The following GFPT2 variants were observed in gnomAD, a reference collection of about 807,000 sequenced individuals.
The protein encoded by GFPT2 is glutamine--fructose-6-phosphate transaminase 2.
GFPT2 carries 62 observed loss-of-function variants against 85.6 expected under a neutral mutation model. The ratio of observed to expected loss-of-function variants is 0.72; its 90% CI spans 0.59 to 0.90. The LOEUF (loss-of-function observed/expected upper bound fraction) is 0.90, where lower values mean the gene tolerates loss of function less well. GFPT2 is among the 40% of genes least tolerant of loss of function. GFPT2 has a pLI of 0.00. For missense variants in GFPT2, 788 were observed against 893.4 expected (o/e 0.88, Z 1.50); for synonymous variants, 368 against 344.5 (o/e 1.07, Z -0.75).
At chr5:180,351,197 C>T (rs1764704722) in intron 1 of GFPT2, among the ~76,000 whole-genome samples, 2 of 152,132 alleles carry the variant, frequency 1.3e-5, no homozygotes, top group South Asian at 4.1e-4. Context: ...AGACCATCAT[C>T]CCCCCCAAAC....
chr5:180,346,107 C>G (rs971257568), intron 1 of GFPT2, among the ~76,000 whole-genome samples: 1 of 152,134 alleles, frequency 6.6e-6, no homozygotes, highest in Non-Finnish European at 1.5e-5. Flanking sequence ...AGTGGCTCCC[C>G]GCATGCCAAC....
intron 16 of GFPT2, among the ~76,000 whole-genome samples, chr5:180,306,083 C>T (rs1056410294): frequency 6.6e-6 from 1 of 150,688 alleles, no homozygotes; most frequent in African/African-American, 2.4e-5. Flanking sequence ...CTCTTGGATT[C>T]AAGCGATTCT....
chr5:180,335,892 G>T lies in GFPT2; in HGVS notation c.276C>A (p.Arg92=). The T allele has an allele frequency of 1.3e-6, 2 of 1,581,934 alleles. No homozygotes were observed. The highest frequency in any genetic ancestry group is 8.6e-7 in the Non-Finnish European group (1 of 1,169,200). Residue 92 remains arginine (R), a synonymous_variant, in exon 4 of 19, where the codon CGC becomes CGA. Transcript: ENST00000253778. ...FETHFGIAHT[R]WATHGVPSAV... ...CACTGGGGACCCCGTGGGTGGCCCA[G>T]CGCGTGTGGGCAATGCCGAAGTGTG...
At chr5:180,347,474 GGA>G (rs1030975843) in intron 1 of GFPT2, among the ~76,000 whole-genome samples, 2 of 152,204 alleles carry the variant, frequency 1.3e-5, no homozygotes, top group African/African-American at 4.8e-5. Flanking sequence ...GGTCCCAGAA[GGA>G]GAGGGACCGA....
At chr5:180,314,072 ACAG>A (rs1477684298) in intron 13 of GFPT2, 108 bp from the exon 14 acceptor site, 15 of 1,122,628 alleles carry the variant, frequency 1.3e-5, no homozygotes, top group South Asian at 1.3e-4. Flanking sequence ...CGCCCGAGAC[ACAG>A]CCAGCGGGTG....
intron 1 of GFPT2, chr5:180,352,571 G>A (rs1261399300): frequency 2.2e-6 from 1 of 449,154 alleles, no homozygotes; most frequent in Non-Finnish European, 4.4e-6. Context: ...TCGTGGCTTC[G>A]GGCCGAGGTT....
rs750833661 is a variant in GFPT2 at position 180,316,732 on chromosome 5, T to G, written c.1152+32A>C. 3 of 1,491,814 alleles carry G rather than the reference T, an allele frequency of 2.0e-6. No homozygotes were observed. The East Asian group carries it at 6.8e-5, about 34-fold the overall frequency. The allele number at this position is 1,491,814 out of a possible 1,614,324, so 92.4% of individuals were successfully genotyped here. A position where few individuals can be genotyped will look rare whatever the true frequency, so the allele number is the denominator to read the frequency against. ...GCCAGTGTCTGGTCCTAGACTGCCGTCGACTTCCCCACGCACATGTGTCAC... is the reference window on the plus strand; with the variant it reads ...GCCAGTGTCTGGTCCTAGACTGCCGGCGACTTCCCCACGCACATGTGTCAC... On this transcript the variant is annotated intron_variant, in intron 12 of 18. Coordinates refer to ENST00000253778, the MANE Select transcript of GFPT2 (RefSeq NM_005110.4).
rs1328736281 is a variant in GFPT2 at position 180,317,336 on chromosome 5, C to T, written c.959-278G>A. 2.7e-4 allele frequency among the ~76,000 whole-genome samples: 41 copies of T among 152,190 alleles called. 1 individual carries two copies. The highest frequency in any genetic ancestry group is 4.4e-5 in the Non-Finnish European group (3 of 68,030). On this transcript the variant is annotated intron_variant, in intron 10 of 18. Coordinates refer to ENST00000253778, the MANE Select transcript of GFPT2 (RefSeq NM_005110.4). ...GGCTGATCCCTCTGGGCCATGCTCCCTTAGCAAGGCCAAAAGAAAGTAAAG... is the reference window on the plus strand; with the variant it reads ...GGCTGATCCCTCTGGGCCATGCTCCTTTAGCAAGGCCAAAAGAAAGTAAAG...
At chr5:180,303,106 T>G (rs1233347580) in intron 17 of GFPT2, among the ~76,000 whole-genome samples, 3 of 144,916 alleles carry the variant, frequency 2.1e-5, no homozygotes, top group African/African-American at 7.4e-5. Flanking sequence ...GGCGGGGGCC[T>G]GTAGTCCCAG....
In GFPT2 at chr5:180,353,168, C is replaced by T. The variant is rs533463993; in HGVS notation, c.7+43G>A. 3.3e-6 allele frequency: 4 copies of T among 1,230,058 alleles called. No homozygotes were observed. The African/African-American group carries it at 6.2e-5, about 19-fold the overall frequency. The allele number at this position is 1,230,058 out of a possible 1,614,324, so 76.2% of individuals were successfully genotyped here. On this transcript the variant is annotated intron_variant, in intron 1 of 18. Transcript: ENST00000253778. ...GGAGAGGCTGCGGCGCCGGGACCCG[C>T]GGACGGCGTGGAGGAGGCGGCTCGG... is the stretch of plus-strand genomic sequence containing the variant.
intron 1 of GFPT2, among the ~76,000 whole-genome samples, chr5:180,346,527 G>T (rs1357257623): frequency 6.6e-6 from 1 of 152,124 alleles, no homozygotes; most frequent in East Asian, 1.9e-4. Flanking sequence ...TCCCTCTCTC[G>T]TCTTCTCTGC....
At position 180,307,205 on chromosome 5, in the gene GFPT2, T is replaced by C. The variant is rs1156322283; in HGVS notation, c.1645A>G (p.Asn549Asp). Residue 549 changes from asparagine to aspartate, a missense_variant, in exon 16 of 19, where the codon AAC becomes GAC. Transcript: ENST00000253778. ...GCTCCTTCCAGGCAGGTGGCATAGT[T>C]GTAGCCCCGCCCCATCACCAGCAGC... Reference protein sequence around the residue: ...RSLLVMGRGYNYATCLEGALK... With the variant: ...RSLLVMGRGYDYATCLEGALK... 1 of 1,602,952 alleles carries C rather than the reference T, an allele frequency of 6.2e-7. No individual in the cohort carries two copies. Among genetic ancestry groups the C allele is most frequent in the Middle Eastern group, 1.7e-4 (1 of 5,862 alleles).
At chr5:180,352,207 G>A (rs973857826) in intron 1 of GFPT2, among the ~76,000 whole-genome samples, 1 of 151,932 alleles carries the variant, frequency 6.6e-6, no homozygotes, top group Non-Finnish European at 1.5e-5. Flanking sequence ...ACAGACCTCG[G>A]CCAGGGCTCA....
rs888123933 is a variant in GFPT2 at position 180,300,732 on chromosome 5, T to C, written c.*832A>G. 3.9e-5 allele frequency: 6 copies of C among 152,676 alleles called. No individual in the cohort carries two copies. The highest frequency in any genetic ancestry group is 1.4e-4 in the African/African-American group (6 of 41,464). 9.5% of individuals were successfully genotyped at this position (152,676 alleles called of 1,614,324 possible). A position where few individuals can be genotyped will look rare whatever the true frequency, so the allele number is the denominator to read the frequency against. ...TGTTCTTTATTGTCCTAAAATTGCA[T>C]AGTACTTTTGATTGTGCACGCTTTT... On this transcript the variant is annotated 3_prime_UTR_variant, in exon 19 of 19. Coordinates refer to ENST00000253778, the MANE Select transcript of GFPT2 (RefSeq NM_005110.4).
chr5:180,329,221 G>C (rs1035169910), intron 6 of GFPT2, among the ~76,000 whole-genome samples: 1 of 152,208 alleles, frequency 6.6e-6, no homozygotes. Flanking sequence ...TGGTCAGCGT[G>C]TCGGGTCCAG....
chr5:180,331,329 G>A, intron 5 of GFPT2, 166 bp downstream of exon 5: 1 of 610,032 alleles, frequency 1.6e-6, no homozygotes, highest in Admixed American at 3.0e-5. Flanking sequence ...GATCTGCAGG[G>A]CCTGGCTCAG....
chr5:180,344,851 C>T (rs112025327), intron 1 of GFPT2, among the ~76,000 whole-genome samples: 1,530 of 152,320 alleles, frequency 0.01, 27 homozygotes, highest in African/African-American at 0.035. Flanking sequence ...GGAAGAGCAA[C>T]GGCCATAAGA....
intron 7 of GFPT2, among the ~76,000 whole-genome samples, chr5:180,327,192 G>A (rs528024040): frequency 1.3e-5 from 2 of 152,080 alleles, no homozygotes; most frequent in Non-Finnish European, 2.9e-5. Flanking sequence ...GATGAAGCCC[G>A]CAGCCCACAG....
At chr5:180,313,295 A>G (rs948246142) in intron 14 of GFPT2, among the ~76,000 whole-genome samples, 1 of 152,066 alleles carries the variant, frequency 6.6e-6, no homozygotes, top group African/African-American at 2.4e-5. Context: ...AAATGAGACT[A>G]AATGAAGATA....
Sources: allele counts gnomAD v4.1 joint callset (sites outside exome capture counted in the v4.1 genomes callset), GRCh38; gene constraint gnomAD v4.1.1; transcripts MANE v1.5; gene names NCBI Gene and HGNC (gene_info 2026-07-23, HGNC 2026-07-21).